Variants in PHKB observed in about 807,000 individuals in gnomAD.
The protein encoded by PHKB is phosphorylase b kinase regulatory subunit beta.
PHKB carries 122 observed loss-of-function variants against 152.1 expected under a neutral mutation model. The observed-to-expected ratio is 0.80, with a 90% CI of 0.69 to 0.93. The LOEUF (loss-of-function observed/expected upper bound fraction) is 0.93, where lower values mean the gene tolerates loss of function less well. Among genes scored for constraint, PHKB ranks in the 40% least tolerant of loss-of-function variants. The pLI, the probability that PHKB is intolerant of heterozygous loss-of-function variation, is 0.00. For synonymous variants in PHKB, 436 were observed against 464.9 expected (o/e 0.94, Z 0.80); for missense variants, 1,304 against 1,328.4 (o/e 0.98, Z 0.29).
At chr16:47,573,437 G>A (rs1025262290) in intron 7 of PHKB, among the ~76,000 whole-genome samples, 9 of 152,152 alleles carry the variant, frequency 5.9e-5, no homozygotes, top group African/African-American at 1.4e-4. Context: ...AATGTTCCAC[G>A]GAGGAGCGGA....
intron 1 of PHKB, among the ~76,000 whole-genome samples, chr16:47,473,146 G>A (rs1969805113): frequency 6.8e-6 from 1 of 146,150 alleles, no homozygotes; most frequent in African/African-American, 2.5e-5. Context: ...ACAGTTCACT[G>A]CAGCCTCGGT....
intron 26 of PHKB, among the ~76,000 whole-genome samples, chr16:47,678,764 C>A (rs1024515044): frequency 6.6e-6 from 1 of 151,926 alleles, no homozygotes. Context: ...TGCAGAAGCT[C>A]TTTAGTTTAA....
At chr16:47,693,282 C>G (rs1974093449) in intron 27 of PHKB, 96 bp from the exon 28 acceptor site, 5 of 1,272,296 alleles carry the variant, frequency 3.9e-6, no homozygotes, top group Admixed American at 1.7e-5. Flanking sequence ...GCTTTTATTT[C>G]TTACCCTATC....
chr16:47,657,429 T>A (rs1167534449), intron 20 of PHKB, among the ~76,000 whole-genome samples: 1 of 152,282 alleles, frequency 6.6e-6, no homozygotes, highest in South Asian at 2.1e-4. Context: ...AGGAATGCAA[T>A]CTTAGGTAGG....
chr16:47,580,144 G>A (rs990875946), intron 7 of PHKB, 151 bp from the exon 8 acceptor site: 3 of 607,702 alleles, frequency 4.9e-6, no homozygotes, highest in Non-Finnish European at 8.7e-6. Flanking sequence ...ATAGTGAAAT[G>A]TCAGAATGAG....
chr16:47,626,787 G>C (rs1387249870), intron 14 of PHKB, among the ~76,000 whole-genome samples: 1 of 152,144 alleles, frequency 6.6e-6, no homozygotes, highest in Non-Finnish European at 1.5e-5. Context: ...ATCTTAAGTA[G>C]AATTTCAGCA....
intron 8 of PHKB, among the ~76,000 whole-genome samples, chr16:47,584,650 A>G (rs1279733491): frequency 6.6e-6 from 1 of 152,162 alleles, no homozygotes; most frequent in African/African-American, 2.4e-5. Context: ...CCGGAAGAAT[A>G]CATTTCTCCA....
At chr16:47,498,559 C>G (rs577351275) in intron 2 of PHKB, among the ~76,000 whole-genome samples, 3 of 152,154 alleles carry the variant, frequency 2.0e-5, no homozygotes, top group Admixed American at 2.0e-4. Context: ...TCCTGTGATC[C>G]CAGCTCCAGA....
At chr16:47,567,478 A>G (rs1971589262) in intron 7 of PHKB, among the ~76,000 whole-genome samples, 1 of 152,128 alleles carries the variant, frequency 6.6e-6, no homozygotes, top group South Asian at 2.1e-4. Flanking sequence ...AATCAGAGAT[A>G]TAAAAAGAGA....
chr16:47,669,297 ATAAGTG>A lies in PHKB; in HGVS notation c.2514_2519del (p.Lys838_Cys839del), dbSNP rs1395259196. ...AGAGTGATTCAAAACATCATCTATT[ATAAGTG>A]TAACACCCATGATGAGAGGGAAGCG... On this transcript the variant is annotated inframe_deletion, in exon 26 of 31. Transcript: ENST00000323584. 1 of 1,613,898 alleles carries A rather than the reference ATAAGTG, an allele frequency of 6.2e-7. No individual in the cohort carries two copies. The highest frequency in any genetic ancestry group is 1.3e-5 in the African/African-American group (1 of 74,932).
intron 7 of PHKB, chr16:47,566,320 C>T (rs1971566110): frequency 2.4e-6 from 3 of 1,246,376 alleles, no homozygotes; most frequent in Admixed American, 1.7e-5. Flanking sequence ...TCTGTTTTGT[C>T]ATAATCCCCA....
chr16:47,641,976 A>C (rs1443737657), intron 16 of PHKB, among the ~76,000 whole-genome samples: 1 of 152,186 alleles, frequency 6.6e-6, no homozygotes, highest in Non-Finnish European at 1.5e-5. Context: ...TAGGCTGAGC[A>C]GTTAAATAAC....
At chr16:47,634,955 T>C (rs1321725395) in intron 14 of PHKB, among the ~76,000 whole-genome samples, 1 of 152,102 alleles carries the variant, frequency 6.6e-6, no homozygotes, top group East Asian at 1.9e-4. Flanking sequence ...ATGATCTGAT[T>C]TACACTTTTT....
chr16:47,604,836 C>T (rs1240670501), intron 13 of PHKB, among the ~76,000 whole-genome samples: 1 of 152,066 alleles, frequency 6.6e-6, no homozygotes, highest in Non-Finnish European at 1.5e-5. Flanking sequence ...CAGATATCTC[C>T]ATTTTGTAGA....
chr16:47,660,300 T>C (rs1199233975), intron 20 of PHKB, among the ~76,000 whole-genome samples: 1 of 152,184 alleles, frequency 6.6e-6, no homozygotes, highest in African/African-American at 2.4e-5. Context: ...CTTGTAACGA[T>C]GTGTATATTC....
At chr16:47,598,625 C>T in intron 13 of PHKB, 1 of 1,286,646 alleles carries the variant, frequency 7.8e-7, no homozygotes, top group Non-Finnish European at 1.1e-6. Flanking sequence ...CATCAGTTTC[C>T]CATCAACACA....
Position 47,660,555 on chromosome 16 carries a change from G to A in PHKB, c.2021G>A (p.Ser674Asn). Residue 674 changes from serine to asparagine, a missense_variant, in exon 21 of 31, where the codon AGT becomes AAT. Ser to Asn is a conservative substitution (Grantham distance 46). Coordinates refer to ENST00000323584, the MANE Select transcript of PHKB (RefSeq NM_000293.3). Reference protein sequence around the residue: ...VVEQLDFLRISDTEELPEFKS... With the variant: ...VVEQLDFLRINDTEELPEFKS... ...GAACAACTTGATTTCCTACGAATCA[G>A]TGACACAGAAGAGTAAGTCCCTTTG... The A allele has an allele frequency of 1.2e-6, 2 of 1,613,620 alleles. No homozygotes were observed. Among genetic ancestry groups the A allele is most frequent in the Non-Finnish European group, 1.7e-6 (2 of 1,179,542 alleles).
chr16:47,661,252 A>G (rs1274317319), intron 22 of PHKB, among the ~76,000 whole-genome samples: 2 of 152,058 alleles, frequency 1.3e-5, no homozygotes, highest in African/African-American at 4.8e-5. Flanking sequence ...GTGCCCTAAT[A>G]TGTAATAAAC....
chr16:47,639,453 G>T (rs982936422), intron 14 of PHKB, among the ~76,000 whole-genome samples: 5 of 152,158 alleles, frequency 3.3e-5, no homozygotes, highest in African/African-American at 1.2e-4. Context: ...ACTTGGGCTG[G>T]AGTTGTAAGT....
Sources: gnomAD v4.1 joint callset for allele counts (sites outside exome capture counted in the v4.1 genomes callset) on GRCh38, gnomAD v4.1.1 for gene constraint, MANE v1.5 for transcripts, NCBI Gene and HGNC (gene_info 2026-07-23, HGNC 2026-07-21) for gene names.